The following KCNQ5 variants were observed in gnomAD, a reference collection of about 807,000 sequenced individuals.
The protein encoded by KCNQ5 is potassium voltage-gated channel subfamily Q member 5.
Under a neutral mutation model 98.2 loss-of-function variants are expected in KCNQ5, and 30 were observed. The observed-to-expected ratio is 0.31, with a 90% CI of 0.23 to 0.41. The LOEUF is 0.41. Ranked by LOEUF, KCNQ5 falls within the 10% of genes least tolerant of loss-of-function variation. KCNQ5 has a pLI of 1.00. For missense variants in KCNQ5, 835 were observed against 1,182.5 expected (o/e 0.71, Z 4.31); for synonymous variants, 458 against 449.4 (o/e 1.02, Z -0.24).
intron 10 of KCNQ5, among the ~76,000 whole-genome samples, chr6:73,162,668 T>C (rs566103467): frequency 1.3e-5 from 2 of 152,320 alleles, no homozygotes; most frequent in Non-Finnish European, 2.9e-5. Flanking sequence ...ATTTAATGTG[T>C]TACTAACTTC....
intron 10 of KCNQ5, among the ~76,000 whole-genome samples, chr6:73,149,219 A>G (rs1323043673): frequency 6.6e-6 from 1 of 152,212 alleles, no homozygotes; most frequent in African/African-American, 2.4e-5. Flanking sequence ...AAAATGGGAT[A>G]GGATAGGACA....
chr6:72,655,044 CTTTCTTTCTT>C (rs1565060327), intron 1 of KCNQ5, among the ~76,000 whole-genome samples: 7 of 145,376 alleles, frequency 4.8e-5, no homozygotes, highest in South Asian at 2.2e-4. Context: ...TTCTTTCTTT[CTTTCTTTCTT>C]TCTTTCTTTC....
chr6:72,872,964 A>G (rs1778272701), intron 1 of KCNQ5, among the ~76,000 whole-genome samples: 1 of 152,188 alleles, frequency 6.6e-6, no homozygotes, highest in Non-Finnish European at 1.5e-5. Context: ...ACTAAAAATC[A>G]GAAAGCTATG....
At chr6:72,738,082 G>A (rs1561951950) in intron 1 of KCNQ5, among the ~76,000 whole-genome samples, 1 of 152,116 alleles carries the variant, frequency 6.6e-6, no homozygotes, top group Non-Finnish European at 1.5e-5. Context: ...GTGAACCCAC[G>A]AGGTGGAGCC....
intron 1 of KCNQ5, among the ~76,000 whole-genome samples, 180 bp from the exon 2 acceptor site, chr6:73,003,728 A>T (rs569964559): frequency 3.2e-4 from 49 of 152,284 alleles, no homozygotes; most frequent in African/African-American, 1.2e-3. Context: ...GAGGAGCCCC[A>T]TTTGCACAGT....
intron 2 of KCNQ5, among the ~76,000 whole-genome samples, chr6:73,026,041 G>A (rs7767727): frequency 0.16 from 24,726 of 152,088 alleles, 3,066 homozygotes; most frequent in African/African-American, 0.33. Flanking sequence ...GCCTAGAATA[G>A]ACACACTTAT....
chr6:73,081,921 A>G (rs1010956788), intron 5 of KCNQ5, among the ~76,000 whole-genome samples: 1 of 152,188 alleles, frequency 6.6e-6, no homozygotes, highest in Non-Finnish European at 1.5e-5. Flanking sequence ...TAAACACACG[A>G]AGGTGCCCCC....
intron 1 of KCNQ5, among the ~76,000 whole-genome samples, chr6:72,726,474 A>G (rs1350922132): frequency 6.6e-6 from 1 of 152,122 alleles, no homozygotes; most frequent in Non-Finnish European, 1.5e-5. Flanking sequence ...CGGCCTCCCA[A>G]AGTGCTAGGA....
At chr6:72,706,729 A>C (rs1769106503) in intron 1 of KCNQ5, among the ~76,000 whole-genome samples, 2 of 152,186 alleles carry the variant, frequency 1.3e-5, no homozygotes, top group African/African-American at 4.8e-5. Flanking sequence ...GAATGAAAAC[A>C]AAAGCATAAT....
At chr6:72,686,749 T>C (rs1436825235) in intron 1 of KCNQ5, among the ~76,000 whole-genome samples, 2 of 150,710 alleles carry the variant, frequency 1.3e-5, no homozygotes, top group East Asian at 3.9e-4. Context: ...CTTTTAAGTC[T>C]TTGATACATC....
At chr6:72,875,610 T>C (rs1425458245) in intron 1 of KCNQ5, among the ~76,000 whole-genome samples, 1 of 152,164 alleles carries the variant, frequency 6.6e-6, no homozygotes, top group Non-Finnish European at 1.5e-5. Flanking sequence ...TGAAAATGTT[T>C]TGTTATGTAA....
chr6:72,851,048 A>G (rs913401970), intron 1 of KCNQ5, among the ~76,000 whole-genome samples: 5 of 152,214 alleles, frequency 3.3e-5, no homozygotes, highest in African/African-American at 1.2e-4. Context: ...CACATATAAT[A>G]AAAGGGAGAA....
At chr6:72,700,047 A>C (rs536616467) in intron 1 of KCNQ5, among the ~76,000 whole-genome samples, 2 of 152,200 alleles carry the variant, frequency 1.3e-5, no homozygotes, top group Non-Finnish European at 2.9e-5. Context: ...CACTTAAAAC[A>C]TTATAGAGTA....
intron 1 of KCNQ5, among the ~76,000 whole-genome samples, chr6:72,751,751 T>C (rs1771697169): frequency 6.6e-6 from 1 of 152,138 alleles, no homozygotes; most frequent in African/African-American, 2.4e-5. Context: ...TTCTATAATT[T>C]TGACCACCTA....
At chr6:72,855,071 C>G (rs909693218) in intron 1 of KCNQ5, among the ~76,000 whole-genome samples, 15 of 151,868 alleles carry the variant, frequency 9.9e-5, no homozygotes, top group African/African-American at 3.4e-4. Context: ...AGAAAAGAAA[C>G]AGCACCAAGC....
intron 3 of KCNQ5, among the ~76,000 whole-genome samples, chr6:73,044,097 G>C (rs752858210): frequency 6.6e-6 from 1 of 152,116 alleles, no homozygotes; most frequent in Non-Finnish European, 1.5e-5. Context: ...ACCAGCCTGG[G>C]ATGGAAAGAC....
At chr6:72,660,695 T>C (rs1463048240) in intron 1 of KCNQ5, among the ~76,000 whole-genome samples, 1 of 152,206 alleles carries the variant, frequency 6.6e-6, no homozygotes, top group Non-Finnish European at 1.5e-5. Context: ...ATTTTGACTT[T>C]TAATCATAAT....
At chr6:73,043,108 T>C (rs1771791087) in intron 3 of KCNQ5, 1 of 432,634 alleles carries the variant, frequency 2.3e-6, no homozygotes, top group Non-Finnish European at 4.9e-6. Context: ...TTTCCTCCCT[T>C]ACTCCTGTTC....
intron 1 of KCNQ5, among the ~76,000 whole-genome samples, chr6:72,918,157 C>T (rs1780242778): frequency 6.6e-6 from 1 of 152,114 alleles, no homozygotes; most frequent in African/African-American, 2.4e-5. Flanking sequence ...TGTCACTATG[C>T]CCCATAAAAA....
Sources: gnomAD v4.1 joint callset for allele counts (sites outside exome capture counted in the v4.1 genomes callset) on GRCh38, gnomAD v4.1.1 for gene constraint, MANE v1.5 for transcripts, NCBI Gene and HGNC (gene_info 2026-07-23, HGNC 2026-07-21) for gene names.